The following HYDIN variants were observed in gnomAD, a reference collection of about 807,000 sequenced individuals.
The protein encoded by HYDIN is axonemal central pair apparatus protein HYDIN.
A neutral mutation model predicts 403.9 loss-of-function variants in HYDIN; 132 were observed. That is an observed-to-expected ratio of 0.33 (90% CI 0.28 to 0.38). The LOEUF (loss-of-function observed/expected upper bound fraction) is 0.38. HYDIN is among the 10% of genes least tolerant of loss of function. The pLI, the probability that HYDIN is intolerant of heterozygous loss-of-function variation, is 1.00. For synonymous variants in HYDIN, 1,202 were observed against 1,891.7 expected (o/e 0.64, Z 9.46); for missense variants, 2,827 against 5,009.5 (o/e 0.56, Z 13.15).
intron 7 of HYDIN, among the ~76,000 whole-genome samples, chr16:71,144,693 G>C (rs1288444168): frequency 6.6e-6 from 1 of 151,686 alleles, no homozygotes; most frequent in Non-Finnish European, 1.5e-5. Context: ...TTAATTGCTA[G>C]AGCACTGGTT....
chr16:71,163,119 CTT>C (rs71272746), intron 5 of HYDIN, among the ~76,000 whole-genome samples: 3 of 120,744 alleles, frequency 2.5e-5, no homozygotes, highest in Non-Finnish European at 3.4e-5. Flanking sequence ...AATGATGTTT[CTT>C]TTTTTTTTTT....
intron 60 of HYDIN, among the ~76,000 whole-genome samples, chr16:70,882,153 T>G (rs958934886): frequency 6.6e-6 from 1 of 152,238 alleles, no homozygotes; most frequent in Admixed American, 6.5e-5. Context: ...TTTCCCTAAC[T>G]GTAGAATCGG....
In HYDIN at chr16:71,030,967, G is replaced by A. The variant is rs558024174; in HGVS notation, c.2768+712C>T. Among the ~76,000 whole-genome samples, 1,202 of 151,898 alleles carry A rather than the reference G, an allele frequency of 7.9e-3. 13 individuals carry two copies. The highest frequency in any genetic ancestry group is 0.027 in the African/African-American group (1,137 of 41,460). Reference sequence around the variant, plus strand: ...TGTAATCCCAGCACTTTGGGAGGCCGAGGCAGGTGGATCATGAGGTCAGGA... The same window carrying A: ...TGTAATCCCAGCACTTTGGGAGGCCAAGGCAGGTGGATCATGAGGTCAGGA... On this transcript the variant is annotated intron_variant, in intron 19 of 85. Transcript: ENST00000393567.
chr16:70,819,031 A>G (rs2036047515), intron 83 of HYDIN, among the ~76,000 whole-genome samples: 1 of 143,620 alleles, frequency 7.0e-6, no homozygotes, highest in East Asian at 2.0e-4. Context: ...CTCCTGCATC[A>G]GCCTCACAAG....
intron 78 of HYDIN, among the ~76,000 whole-genome samples, chr16:70,834,874 A>G (rs111493375): frequency 0.23 from 33,293 of 146,008 alleles, 6,718 homozygotes; most frequent in African/African-American, 0.55. Context: ...ACATATATAT[A>G]TGTGTGTGTG....
intron 18 of HYDIN, among the ~76,000 whole-genome samples, chr16:71,046,655 C>T (rs558738709): frequency 5.9e-5 from 9 of 152,124 alleles, no homozygotes; most frequent in Non-Finnish European, 1.0e-4. Context: ...GAAGAGAAAA[C>T]GAAACAGAGG....
At chr16:71,196,946 C>A (rs1334610728) in intron 1 of HYDIN, among the ~76,000 whole-genome samples, 1 of 152,134 alleles carries the variant, frequency 6.6e-6, no homozygotes, top group African/African-American at 2.4e-5. Flanking sequence ...AAATGGGTAA[C>A]CAGCAGCCCT....
At chr16:70,922,214 C>A (rs2143818732) in intron 45 of HYDIN, among the ~76,000 whole-genome samples, 1 of 152,314 alleles carries the variant, frequency 6.6e-6, no homozygotes, top group Admixed American at 6.5e-5. Flanking sequence ...AGCAACACTG[C>A]AGGCTGGCAC....
chr16:71,053,994 C>T (rs2081766239), intron 18 of HYDIN, among the ~76,000 whole-genome samples: 1 of 152,232 alleles, frequency 6.6e-6, no homozygotes, highest in African/African-American at 2.4e-5. Context: ...TGACTTTTAT[C>T]ATGCAACCTT....
intron 14 of HYDIN, 26 bp downstream of exon 14, chr16:71,069,241 G>C: frequency 6.3e-7 from 1 of 1,575,180 alleles, no homozygotes; most frequent in Non-Finnish European, 8.7e-7. Context: ...GCTTAGCTGT[G>C]TGTGCAGGAA....
chr16:71,133,476 G>C (rs1465912991), intron 8 of HYDIN, among the ~76,000 whole-genome samples: 1 of 152,200 alleles, frequency 6.6e-6, no homozygotes, highest in African/African-American at 2.4e-5. Flanking sequence ...ACAGGTGGTA[G>C]GCTCAAAGCC....
At chr16:70,979,151 G>C in intron 29 of HYDIN, 110 bp from the exon 30 acceptor site, 1 of 1,211,016 alleles carries the variant, frequency 8.3e-7, no homozygotes, top group East Asian at 2.5e-5. Flanking sequence ...AGGTGGGAAG[G>C]GAAGTGGACT....
At chr16:71,040,592 GA>G (rs1330247159) in intron 18 of HYDIN, among the ~76,000 whole-genome samples, 8 of 123,540 alleles carry the variant, frequency 6.5e-5, no homozygotes, top group Non-Finnish European at 1.2e-4. Flanking sequence ...TATATCTGGG[GA>G]ATCCATGATT....
Position 70,834,980 on chromosome 16 carries a change from A to ATATATATACACACATATATGTGTG in HYDIN, c.13401+695_13401+696insCACACATATATGTGTGTATATATA, listed in dbSNP as rs1555539569. Among the ~76,000 whole-genome samples, 1,076 of 128,590 alleles carry ATATATATACACACATATATGTGTG rather than the reference A, an allele frequency of 8.4e-3. 19 individuals are homozygous for ATATATATACACACATATATGTGTG. Among genetic ancestry groups the ATATATATACACACATATATGTGTG allele is most frequent in the African/African-American group, 0.043 (1,020 of 23,946 alleles). 84.4% of individuals were successfully genotyped at this position (128,590 alleles called of 152,430 possible). A position where few individuals can be genotyped will look rare whatever the true frequency, so the allele number is the denominator to read the frequency against. On this transcript the variant is annotated intron_variant, in intron 78 of 85. Transcript: ENST00000393567. Reference sequence around the variant, plus strand: ...TATATACACACATATATGTGTGTATATATATATATATACACACATATATAT... The same window carrying ATATATATACACACATATATGTGTG: ...TATATACACACATATATGTGTGTATATATATATACACACATATATGTGTGTATATATATATACACACATATATAT...
chr16:71,187,530 A>G (rs2087217180), intron 1 of HYDIN, among the ~76,000 whole-genome samples: 1 of 152,176 alleles, frequency 6.6e-6, no homozygotes, highest in Non-Finnish European at 1.5e-5. Flanking sequence ...AAAACCATCT[A>G]TGACTAGGTA....
chr16:71,194,220 G>A (rs554892306), intron 1 of HYDIN, among the ~76,000 whole-genome samples: 1 of 152,278 alleles, frequency 6.6e-6, no homozygotes, highest in South Asian at 2.1e-4. Context: ...AGACCATTGT[G>A]GCAAATGTGG....
At chr16:70,810,118 G>A in intron 84 of HYDIN, 111 bp from the exon 85 acceptor site, 3 of 962,124 alleles carry the variant, frequency 3.1e-6, no homozygotes, top group South Asian at 1.5e-5. Flanking sequence ...TAGTGCACAT[G>A]ATCATGCTGT....
intron 47 of HYDIN, among the ~76,000 whole-genome samples, chr16:70,917,026 G>A (rs546558206): frequency 5.3e-5 from 8 of 152,028 alleles, no homozygotes; most frequent in African/African-American, 1.4e-4. Context: ...GGGCTCAAGC[G>A]ATCCTCCCAC....
At chr16:71,052,720 A>G (rs6499410) in intron 18 of HYDIN, among the ~76,000 whole-genome samples, 14,976 of 26,896 alleles carry the variant, frequency 0.56, 5,282 homozygotes, top group East Asian at 0.82. Flanking sequence ...GTGTGGTGGC[A>G]TGTGCCTGTA....
Sources: allele counts gnomAD v4.1 joint callset (sites outside exome capture counted in the v4.1 genomes callset), GRCh38; gene constraint gnomAD v4.1.1; transcripts MANE v1.5; gene names NCBI Gene and HGNC (gene_info 2026-07-23, HGNC 2026-07-21).